The following PALM2AKAP2 variants were observed in gnomAD, a reference collection of about 807,000 sequenced individuals.
PALM2AKAP2 encodes PALM2 and AKAP2 fusion.
In PALM2AKAP2, 37 loss-of-function variants were observed where a neutral mutation model predicts 71.5. That is an observed-to-expected ratio of 0.52 (90% CI 0.40 to 0.68). The LOEUF is 0.68. Ranked by LOEUF, PALM2AKAP2 falls within the 30% of genes least tolerant of loss-of-function variation. The probability of loss-of-function intolerance (pLI) is 0.00; values close to 1 mark genes in which losing one functional copy is unlikely to be tolerated. For synonymous variants in PALM2AKAP2, 468 were observed against 478.8 expected, an observed-to-expected ratio of 0.98 and a Z score of 0.29; for missense variants, 1,224 against 1,191.8, an observed-to-expected ratio of 1.03 and a Z score of -0.40.
intron 1 of PALM2AKAP2, among the ~76,000 whole-genome samples, chr9:109,740,148 T>C (rs1191640061): frequency 2.6e-5 from 4 of 152,230 alleles, no homozygotes; most frequent in Non-Finnish European, 4.4e-5. Context: ...TTTCTATTCA[T>C]TTGTTCACTC....
At chr9:109,895,264 C>T (rs1419416361) in intron 3 of PALM2AKAP2, among the ~76,000 whole-genome samples, 5 of 152,230 alleles carry the variant, frequency 3.3e-5, no homozygotes, top group Admixed American at 2.0e-4. Context: ...GCGGGGGCAG[C>T]TCAGGCCTTC....
chr9:109,721,297 C>G (rs1828401302), intron 1 of PALM2AKAP2, among the ~76,000 whole-genome samples: 1 of 151,876 alleles, frequency 6.6e-6, no homozygotes, highest in Non-Finnish European at 1.5e-5. Flanking sequence ...ATCTCCCTTC[C>G]CAAGTCATGG....
intron 1 of PALM2AKAP2, among the ~76,000 whole-genome samples, chr9:109,748,647 G>T (rs915889929): frequency 6.6e-6 from 1 of 152,250 alleles, no homozygotes; most frequent in Non-Finnish European, 1.5e-5. Context: ...ACACAATTTT[G>T]CTCTGGAAAC....
chr9:109,983,210 A>T (rs1832308218), intron 6 of PALM2AKAP2, among the ~76,000 whole-genome samples: 1 of 152,196 alleles, frequency 6.6e-6, no homozygotes, highest in Admixed American at 6.5e-5. Flanking sequence ...CTAGCCTGAA[A>T]ACCTAAATTG....
intron 1 of PALM2AKAP2, among the ~76,000 whole-genome samples, chr9:109,734,696 C>T (rs972288805): frequency 3.3e-5 from 5 of 152,126 alleles, no homozygotes; most frequent in Admixed American, 6.6e-5. Flanking sequence ...TCTTCAGCAA[C>T]GGATCCATGT....
chr9:109,784,439 A>G (rs190890646), intron 1 of PALM2AKAP2, among the ~76,000 whole-genome samples: 7 of 152,356 alleles, frequency 4.6e-5, no homozygotes, highest in Non-Finnish European at 8.8e-5. Context: ...AACCTTCCCA[A>G]TTACCAGGAG....
In PALM2AKAP2 at chr9:109,861,059, C is replaced by CT. The variant is rs538455535; in HGVS notation, c.46-6431dup. ...GGCAAGAGGGCCTTGAGTAGGTCTTCTGGTCCCTTCCCACTGCTGTGCCCT... is the reference window on the plus strand; with the variant it reads ...GGCAAGAGGGCCTTGAGTAGGTCTTCTTGGTCCCTTCCCACTGCTGTGCCCT... On this transcript the variant is annotated intron_variant, in intron 1 of 9. Coordinates refer to the PALM2AKAP2 transcript ENST00000302798. Among the ~76,000 whole-genome samples the CT allele has an allele frequency of 2.4e-4, 37 of 152,376 alleles. No homozygotes were observed. In the South Asian group the frequency reaches 7.2e-3, roughly 30 times the overall value.
chr9:109,942,460 G>C (rs1179249567), intron 6 of PALM2AKAP2, among the ~76,000 whole-genome samples: 2 of 152,116 alleles, frequency 1.3e-5, no homozygotes, highest in African/African-American at 2.4e-5. Flanking sequence ...GAGTGCCATT[G>C]AGATATAGCA....
chr9:110,097,146 T>C (rs1202774617), intron 1 of PALM2AKAP2, among the ~76,000 whole-genome samples: 1 of 150,660 alleles, frequency 6.6e-6, no homozygotes, highest in East Asian at 1.9e-4. Context: ...TAGGGAGTGG[T>C]GATGACTCTT....
intron 2 of PALM2AKAP2, among the ~76,000 whole-genome samples, chr9:110,151,812 A>G (rs573495914): frequency 1.3e-5 from 2 of 152,354 alleles, no homozygotes; most frequent in Admixed American, 6.5e-5. Flanking sequence ...TAGAGGTCAC[A>G]TTATACCTGT....
chr9:109,907,653 T>A (rs1229658271), intron 3 of PALM2AKAP2, among the ~76,000 whole-genome samples: 2 of 152,170 alleles, frequency 1.3e-5, no homozygotes, highest in East Asian at 3.9e-4. Flanking sequence ...GCACAACCCA[T>A]GTGGAGGAGC....
chr9:109,747,565 A>G (rs748171964), intron 1 of PALM2AKAP2, among the ~76,000 whole-genome samples: 6 of 152,230 alleles, frequency 3.9e-5, no homozygotes, highest in Non-Finnish European at 7.3e-5. Flanking sequence ...AGAAGGCATA[A>G]TCAAATATGA....
chr9:109,769,831 T>A (rs1829228481), intron 1 of PALM2AKAP2, among the ~76,000 whole-genome samples: 1 of 152,212 alleles, frequency 6.6e-6, no homozygotes, highest in African/African-American at 2.4e-5. Flanking sequence ...TAGAAAGCAC[T>A]TTCAAGCTTA....
intron 1 of PALM2AKAP2, among the ~76,000 whole-genome samples, chr9:110,072,528 C>CT: frequency 6.6e-6 from 1 of 152,316 alleles, no homozygotes; most frequent in Admixed American, 6.5e-5. Context: ...TCTAGCATCT[C>CT]TGAGAATTGT....
Position 110,120,657 on chromosome 9 carries a change from C to T in PALM2AKAP2, c.157-15470C>T, listed in dbSNP as rs578151820. Among the ~76,000 whole-genome samples, 12 of 152,360 alleles carry T rather than the reference C, an allele frequency of 7.9e-5. 1 individual carries two copies. The South Asian group carries it at 2.3e-3, about 29-fold the overall frequency. On this transcript the variant is annotated intron_variant, in intron 1 of 3. Coordinates refer to ENST00000374525, the Ensembl canonical transcript of PALM2AKAP2. The stretch of plus-strand genomic sequence containing the variant: ...TAGCTGGGATTACAGGCATGTGCCA[C>T]TACACCCGGCTAATTTTTGTATTTT...
At chr9:109,987,392 G>T (rs1832401191) in intron 6 of PALM2AKAP2, among the ~76,000 whole-genome samples, 1 of 152,094 alleles carries the variant, frequency 6.6e-6, no homozygotes, top group Non-Finnish European at 1.5e-5. Context: ...GCCTCCCAAA[G>T]TGCTGGGATT....
chr9:109,883,101 C>G (rs1031906403), intron 3 of PALM2AKAP2, among the ~76,000 whole-genome samples: 7 of 152,170 alleles, frequency 4.6e-5, no homozygotes, highest in African/African-American at 1.7e-4. Flanking sequence ...AGGCTAGAGT[C>G]TTAAACTGAG....
intron 1 of PALM2AKAP2, among the ~76,000 whole-genome samples, chr9:109,791,370 C>G (rs1827108377): frequency 6.6e-6 from 1 of 152,194 alleles, no homozygotes; most frequent in South Asian, 2.1e-4. Flanking sequence ...TGACATGTTC[C>G]TGCTTTTGCC....
intron 1 of PALM2AKAP2, among the ~76,000 whole-genome samples, chr9:109,695,608 T>G (rs970369153): frequency 2.0e-5 from 3 of 152,150 alleles, no homozygotes; most frequent in Admixed American, 2.0e-4. Flanking sequence ...TTGAGTAATG[T>G]CTATTCAGGT....
Sources: gnomAD v4.1 joint callset for allele counts (sites outside exome capture counted in the v4.1 genomes callset) on GRCh38, gnomAD v4.1.1 for gene constraint, MANE v1.5 for transcripts, NCBI Gene and HGNC (gene_info 2026-07-23, HGNC 2026-07-21) for gene names.